NCAM2: variants seen among roughly 807,000 people sequenced by gnomAD.
NCAM2 encodes N-CAM-2.
In NCAM2, 30 loss-of-function variants were observed where a neutral mutation model predicts 98.1. The observed-to-expected ratio is 0.31, with a 90% CI of 0.23 to 0.41. The LOEUF (loss-of-function observed/expected upper bound fraction) is 0.41, where lower values mean the gene tolerates loss of function less well. Among genes scored for constraint, NCAM2 ranks in the 10% least tolerant of loss-of-function variants. The pLI, the probability that NCAM2 is intolerant of heterozygous loss-of-function variation, is 1.00. For synonymous variants in NCAM2, 368 were observed against 342.4 expected, an observed-to-expected ratio of 1.07 and a Z score of -0.83; for missense variants, 867 against 1,005.8, an observed-to-expected ratio of 0.86 and a Z score of 1.87.
intron 1 of NCAM2, among the ~76,000 whole-genome samples, chr21:21,213,199 T>C (rs1021337472): frequency 2.6e-5 from 4 of 152,188 alleles, no homozygotes; most frequent in Non-Finnish European, 5.9e-5. Flanking sequence ...CATTTAGATT[T>C]GCTAGATTCA....
intron 1 of NCAM2, among the ~76,000 whole-genome samples, chr21:21,157,700 C>G (rs2067658213): frequency 6.6e-6 from 1 of 152,030 alleles, no homozygotes; most frequent in South Asian, 2.1e-4. Context: ...AGAGCAGCTG[C>G]CTATATTTGC....
intron 9 of NCAM2, among the ~76,000 whole-genome samples, chr21:21,375,041 A>G (rs2076001315): frequency 6.6e-6 from 1 of 151,632 alleles, no homozygotes; most frequent in South Asian, 2.1e-4. Context: ...GAGGGATAGC[A>G]TTAGGAGATA....
At chr21:21,357,647 A>G (rs1047439156) in intron 8 of NCAM2, among the ~76,000 whole-genome samples, 5 of 152,288 alleles carry the variant, frequency 3.3e-5, no homozygotes, top group African/African-American at 4.8e-5. Context: ...CCTTGTGAGT[A>G]GTTATACTTC....
rs1445921249 is a variant in NCAM2, at chr21:21,332,871, T to C, written c.738-2634T>C. On this transcript the variant is annotated intron_variant, in intron 6 of 17. Transcript: ENST00000400546. ...CTAATGTGTGAAAACTATTGTTTTA[T>C]ATGTATAGCCAGTGTTTTTGTTGTT... is the stretch of plus-strand genomic sequence containing the variant. Among the ~76,000 whole-genome samples the C allele has an allele frequency of 2.6e-5, 4 of 152,254 alleles. No homozygotes were observed. The East Asian group carries it at 7.7e-4, about 29-fold the overall frequency.
intron 5 of NCAM2, among the ~76,000 whole-genome samples, chr21:21,311,334 C>CTTTTTTTTTTTTTTTTT (rs1568919300): frequency 8.6e-6 from 1 of 115,882 alleles, no homozygotes; most frequent in African/African-American, 3.2e-5. Flanking sequence ...AAATATGGGG[C>CTTTTTTTTTTTTTTTTT]ATTTTTTTTT....
chr21:21,455,988 A>G (rs901651083), intron 12 of NCAM2, among the ~76,000 whole-genome samples: 12 of 152,084 alleles, frequency 7.9e-5, no homozygotes, highest in Admixed American at 1.3e-4. Context: ...TTCTTTCAAA[A>G]TAAGAGAGAA....
intron 1 of NCAM2, among the ~76,000 whole-genome samples, chr21:21,271,193 G>T (rs1015067547): frequency 1.3e-5 from 2 of 152,114 alleles, no homozygotes; most frequent in South Asian, 4.1e-4. Context: ...AATCTAAAAA[G>T]AATGTATTTA....
intron 1 of NCAM2, among the ~76,000 whole-genome samples, chr21:21,192,951 G>C (rs1289223277): frequency 6.6e-6 from 1 of 152,100 alleles, no homozygotes; most frequent in African/African-American, 2.4e-5. Context: ...CTAGACACAG[G>C]CACACAACTT....
chr21:21,166,923 T>G (rs759411536), intron 1 of NCAM2, among the ~76,000 whole-genome samples: 1 of 152,202 alleles, frequency 6.6e-6, no homozygotes, highest in Non-Finnish European at 1.5e-5. Context: ...AAATTCAGAC[T>G]AAACGCCATT....
At chr21:21,393,913 AAGG>A (rs2076439066) in intron 9 of NCAM2, among the ~76,000 whole-genome samples, 1 of 152,298 alleles carries the variant, frequency 6.6e-6, no homozygotes, top group South Asian at 2.1e-4. Context: ...TGATTAGAAA[AAGG>A]AGAATAATAT....
At chr21:21,014,148 C>T (rs932751559) in intron 1 of NCAM2, among the ~76,000 whole-genome samples, 1 of 152,104 alleles carries the variant, frequency 6.6e-6, no homozygotes, top group Non-Finnish European at 1.5e-5. Context: ...TCCTAGCGTC[C>T]TTAAGAATTA....
intron 9 of NCAM2, among the ~76,000 whole-genome samples, chr21:21,405,225 A>G (rs1445385893): frequency 6.6e-6 from 1 of 152,032 alleles, no homozygotes; most frequent in Non-Finnish European, 1.5e-5. Context: ...CAGAATATTG[A>G]TTTAATAGAG....
At chr21:21,268,351 C>T (rs1331300448) in intron 1 of NCAM2, among the ~76,000 whole-genome samples, 1 of 152,172 alleles carries the variant, frequency 6.6e-6, no homozygotes, top group Non-Finnish European at 1.5e-5. Flanking sequence ...CCTTCCCACA[C>T]CACACAGGAG....
chr21:21,155,318 T>C (rs2067578769), intron 1 of NCAM2, among the ~76,000 whole-genome samples: 1 of 151,636 alleles, frequency 6.6e-6, no homozygotes, highest in African/African-American at 2.4e-5. Context: ...TGAAATGTTT[T>C]GGTTTAAATA....
intron 1 of NCAM2, among the ~76,000 whole-genome samples, chr21:21,020,273 T>C (rs553359993): frequency 1.3e-5 from 2 of 152,078 alleles, no homozygotes; most frequent in Non-Finnish European, 2.9e-5. Flanking sequence ...TGACCTCAGG[T>C]AATCCGCCCG....
chr21:21,269,202 C>G (rs2072404596), intron 1 of NCAM2, among the ~76,000 whole-genome samples: 1 of 152,060 alleles, frequency 6.6e-6, no homozygotes, highest in African/African-American at 2.4e-5. Flanking sequence ...AATACTTAAT[C>G]TTGGTACTAA....
In NCAM2 at chr21:21,170,356, T is replaced by C. The variant is rs2068083355; in HGVS notation, c.56-110222T>C. Among the ~76,000 whole-genome samples, 3 of 152,236 alleles carry C rather than the reference T, an allele frequency of 2.0e-5. No homozygotes were observed. In the South Asian group the frequency reaches 6.2e-4, roughly 31 times the overall value. ...GTCCTGTAGATTAATTAGTAAATGG[T>C]AATACATCCAGATAATGGAATATTA... On this transcript the variant is annotated intron_variant, in intron 1 of 17. Coordinates refer to ENST00000400546, the MANE Select transcript of NCAM2 (RefSeq NM_004540.5).
At chr21:21,125,731 A>G (rs1263397232) in intron 1 of NCAM2, among the ~76,000 whole-genome samples, 4 of 146,464 alleles carry the variant, frequency 2.7e-5, no homozygotes, top group Admixed American at 1.4e-4. Flanking sequence ...AGAGAGATTG[A>G]GGTTTTCCAG....
intron 1 of NCAM2, among the ~76,000 whole-genome samples, chr21:21,021,419 T>TTCACTTCC (rs1415160567): frequency 6.6e-6 from 1 of 152,188 alleles, no homozygotes; most frequent in Non-Finnish European, 1.5e-5. Flanking sequence ...GGTGGCTTAG[T>TTCACTTCC]TCACTTCCGT....
Sources: gnomAD v4.1 joint callset for allele counts (sites outside exome capture counted in the v4.1 genomes callset) on GRCh38, gnomAD v4.1.1 for gene constraint, MANE v1.5 for transcripts, NCBI Gene and HGNC (gene_info 2026-07-23, HGNC 2026-07-21) for gene names.